The following MAP3K3 variants were observed in gnomAD, a reference collection of about 807,000 sequenced individuals.
The protein encoded by MAP3K3 is MAP/ERK kinase kinase 3.
A neutral mutation model predicts 80.9 loss-of-function variants in MAP3K3; 12 were observed. The ratio of observed to expected loss-of-function variants is 0.15; its 90% CI spans 0.10 to 0.24. The LOEUF is 0.24. MAP3K3 is among the 10% of genes least tolerant of loss of function. The probability of loss-of-function intolerance (pLI) is 1.00; values close to 1 mark genes in which losing one functional copy is unlikely to be tolerated. For synonymous variants in MAP3K3, 272 were observed against 307.1 expected (o/e 0.89, Z 1.19); for missense variants, 596 against 834.7 (o/e 0.71, Z 3.52).
At chr17:63,633,502 C>T (rs923853493) in intron 2 of MAP3K3, among the ~76,000 whole-genome samples, 6 of 152,102 alleles carry the variant, frequency 3.9e-5, no homozygotes, top group African/African-American at 1.4e-4. Context: ...ATTAAAATGT[C>T]ACCTAGTATA....
chr17:63,657,615 C>T (rs2034798006), intron 4 of MAP3K3, among the ~76,000 whole-genome samples, 179 bp from the exon 5 acceptor site: 1 of 151,836 alleles, frequency 6.6e-6, no homozygotes, highest in Non-Finnish European at 1.5e-5. Flanking sequence ...TTGGATTGTA[C>T]ATTTAGAGAA....
intron 1 of MAP3K3, among the ~76,000 whole-genome samples, chr17:63,630,546 C>T (rs949803249): frequency 1.3e-5 from 2 of 152,122 alleles, no homozygotes; most frequent in Non-Finnish European, 2.9e-5. Context: ...AGTCTGGTCT[C>T]GAACTCCTGG....
chr17:63,651,949 C>T (rs2034665560), intron 3 of MAP3K3, among the ~76,000 whole-genome samples: 2 of 152,104 alleles, frequency 1.3e-5, no homozygotes, highest in South Asian at 4.1e-4. Context: ...GAGTTGAGTC[C>T]CTTAGGAGTT....
At chr17:63,635,231 A>G (rs1184323920) in intron 2 of MAP3K3, among the ~76,000 whole-genome samples, 2 of 152,230 alleles carry the variant, frequency 1.3e-5, no homozygotes, top group Non-Finnish European at 1.5e-5. Flanking sequence ...AATTATGTAT[A>G]TGCTTGGAGA....
chr17:63,688,283 C>A (rs759627537), intron 8 of MAP3K3: 10 of 563,688 alleles, frequency 1.8e-5, no homozygotes, highest in Non-Finnish European at 2.9e-5. Flanking sequence ...GGCTGTGCAG[C>A]CAGGCTGGAG....
At chr17:63,640,149 A>G (rs1376558406) in intron 2 of MAP3K3, among the ~76,000 whole-genome samples, 3 of 152,166 alleles carry the variant, frequency 2.0e-5, no homozygotes, top group South Asian at 2.1e-4. Flanking sequence ...GCATGGTGAC[A>G]TGCGCCTGTA....
intron 7 of MAP3K3, among the ~76,000 whole-genome samples, chr17:63,684,323 C>T (rs2035403309): frequency 6.6e-6 from 1 of 152,164 alleles, no homozygotes; most frequent in Admixed American, 6.5e-5. Context: ...TTTATTTGTC[C>T]ATTTTGTCTT....
chr17:63,691,164 G>A lies in MAP3K3; in HGVS notation c.1275G>A (p.Val425=). Reference sequence around the variant, plus strand: ...AGAACTTGCAGCATGAGCGCATCGTGCAGTACTATGGCTGTCTGCGGGACC... The same window carrying A: ...AGAACTTGCAGCATGAGCGCATCGTACAGTACTATGGCTGTCTGCGGGACC... ...LLKNLQHERI[V]QYYGCLRDRA... is the part of the protein sequence containing the mutation. The change falls in exon 13 of 16, where the codon GTG becomes GTA. Residue 425 remains valine (V), a synonymous_variant. Coordinates refer to ENST00000361733, the MANE Select transcript of MAP3K3 (RefSeq NM_002401.5). This position sits in a 1 kb window ranked among gnomAD's most constrained non-coding sequence, Gnocchi z 4.8. 6.2e-7 allele frequency: 1 copy of A among 1,614,220 alleles called. No individual in the cohort carries two copies. Among genetic ancestry groups the A allele is most frequent in the South Asian group, 1.1e-5 (1 of 91,088 alleles).
chr17:63,625,029 A>G (rs1054619605), intron 1 of MAP3K3, among the ~76,000 whole-genome samples: 2 of 152,212 alleles, frequency 1.3e-5, no homozygotes, highest in African/African-American at 2.4e-5. Context: ...AAGGATTGAT[A>G]AGAGAGAAAC....
At chr17:63,666,265 T>C (rs1446388876) in intron 5 of MAP3K3, among the ~76,000 whole-genome samples, 1 of 152,156 alleles carries the variant, frequency 6.6e-6, no homozygotes, top group Non-Finnish European at 1.5e-5. Context: ...GATTTGTGTG[T>C]AAACCCTGGA....
intron 3 of MAP3K3, among the ~76,000 whole-genome samples, chr17:63,652,216 T>C (rs547677292): frequency 6.6e-6 from 1 of 152,246 alleles, no homozygotes; most frequent in Admixed American, 6.5e-5. Flanking sequence ...GTGTGTATTG[T>C]TCCCCCTCCA....
At chr17:63,654,335 T>TTTTTTTTTTTTTTTTTTG in intron 4 of MAP3K3, among the ~76,000 whole-genome samples, 1 of 151,052 alleles carries the variant, frequency 6.6e-6, no homozygotes, top group East Asian at 1.9e-4. Flanking sequence ...ACCTTTTTTG[T>TTTTTTTTTTTTTTTTTTG]CTGGCTTCTT....
In MAP3K3 at chr17:63,694,132, T is replaced by C; in HGVS notation, c.*355T>C. 1 of 228,898 alleles carries C rather than the reference T, an allele frequency of 4.4e-6. No homozygotes were observed. Among genetic ancestry groups the C allele is most frequent in the Non-Finnish European group, 8.5e-6 (1 of 117,042 alleles). 14.2% of individuals were successfully genotyped at this position (228,898 alleles called of 1,614,324 possible). ...CCCAGAGGGTCTGGGGGCACAAGAC[T>C]GACGCCAGGGTATGAAGAGTGTTAT... On this transcript the variant is annotated 3_prime_UTR_variant, in exon 16 of 16. Coordinates refer to ENST00000361733, the MANE Select transcript of MAP3K3 (RefSeq NM_002401.5).
rs147735013 is a variant in MAP3K3 at position 63,676,901 on chromosome 17, T to C, written c.503-4865T>C. ...AACAGCAGGAAGCCTGTTAATCTCA[T>C]AGAAGTGCATGTGATTAGCTGAATC... On this transcript the variant is annotated intron_variant, in intron 6 of 15. Coordinates refer to ENST00000361733, the MANE Select transcript of MAP3K3 (RefSeq NM_002401.5). 7.9e-5 allele frequency among the ~76,000 whole-genome samples: 12 copies of C among 152,316 alleles called. No homozygotes were observed. In the East Asian group the frequency reaches 2.3e-3, roughly 29 times the overall value.
chr17:63,657,990 T>G, intron 5 of MAP3K3, 83 bp downstream of exon 5: 1 of 714,580 alleles, frequency 1.4e-6, no homozygotes, highest in South Asian at 1.9e-5. Context: ...TTGACAGACA[T>G]TTTCGTTCCT....
intron 6 of MAP3K3, among the ~76,000 whole-genome samples, chr17:63,670,586 CAAAAA>C (rs756058538): frequency 1.3e-5 from 1 of 79,950 alleles, no homozygotes; most frequent in Admixed American, 1.4e-4. Context: ...GACTCTGTCT[CAAAAA>C]AAAAAAAAAA....
chr17:63,674,126 A>G (rs1220454828), intron 6 of MAP3K3, among the ~76,000 whole-genome samples: 2 of 150,938 alleles, frequency 1.3e-5, no homozygotes, highest in African/African-American at 4.9e-5. Flanking sequence ...TGACTCCTGT[A>G]TGGTCTAAGT....
At chr17:63,676,403 C>T (rs2035220679) in intron 6 of MAP3K3, among the ~76,000 whole-genome samples, 1 of 152,198 alleles carries the variant, frequency 6.6e-6, no homozygotes, top group African/African-American at 2.4e-5. Context: ...AGTCTCACCC[C>T]AGACACTCCA....
chr17:63,678,631 G>A (rs2035268482), intron 6 of MAP3K3, among the ~76,000 whole-genome samples: 3 of 152,316 alleles, frequency 2.0e-5, no homozygotes, highest in African/African-American at 7.2e-5. Context: ...AGAAGAGATT[G>A]GAAGTATTCT....
Sources: gnomAD v4.1 joint callset for allele counts (sites outside exome capture counted in the v4.1 genomes callset) on GRCh38, gnomAD v4.1.1 for gene constraint, Gnocchi (gnomAD v3.1) non-coding constraint, MANE v1.5 for transcripts, NCBI Gene and HGNC (gene_info 2026-07-23, HGNC 2026-07-21) for gene names.